TUFT1: variants seen among roughly 807,000 people sequenced by gnomAD.
The protein encoded by TUFT1 is tuftelin 1, also known as tuftelin.
A neutral mutation model predicts 57.8 loss-of-function variants in TUFT1; 43 were observed. That is an observed-to-expected ratio of 0.74 (90% CI 0.58 to 0.96). The LOEUF (loss-of-function observed/expected upper bound fraction) is 0.96, where lower values mean the gene tolerates loss of function less well. Among genes scored for constraint, TUFT1 ranks in the 40% least tolerant of loss-of-function variants. TUFT1 has a pLI of 0.00. For missense variants in TUFT1, 459 were observed against 489.0 expected (o/e 0.94, Z 0.58); for synonymous variants, 166 against 176.7 (o/e 0.94, Z 0.48).
At chr1:151,575,181 C>A (rs1051751774) in intron 9 of TUFT1, among the ~76,000 whole-genome samples, 176 bp downstream of exon 9, 2 of 152,092 alleles carry the variant, frequency 1.3e-5, no homozygotes, top group African/African-American at 4.8e-5. Flanking sequence ...CCAAGAGATA[C>A]CATTTGGGAG....
intron 10 of TUFT1, 89 bp downstream of exon 10, chr1:151,578,915 A>G (rs1666563589): frequency 9.6e-7 from 1 of 1,041,942 alleles, no homozygotes; most frequent in African/African-American, 1.6e-5. Flanking sequence ...ACTTATATTC[A>G]TGCATTTCCC....
At chr1:151,548,687 G>C (rs1425075019) in intron 1 of TUFT1, among the ~76,000 whole-genome samples, 4 of 152,176 alleles carry the variant, frequency 2.6e-5, no homozygotes, top group African/African-American at 9.7e-5. Context: ...AAAGTGGGTG[G>C]GATTGAGGGG....
chr1:151,555,309 A>G (rs989021300), intron 1 of TUFT1, among the ~76,000 whole-genome samples: 1 of 150,006 alleles, frequency 6.7e-6, no homozygotes, highest in African/African-American at 2.5e-5. Flanking sequence ...AGCCTGGGTA[A>G]CAGAATGAGA....
At chr1:151,556,490 C>T (rs1203575878) in intron 1 of TUFT1, among the ~76,000 whole-genome samples, 1 of 151,954 alleles carries the variant, frequency 6.6e-6, no homozygotes, top group African/African-American at 2.4e-5. Flanking sequence ...CTAGCTACAG[C>T]CTCAACCTCC....
rs148537214 is a variant in TUFT1, at chr1:151,550,406, G to A, written c.60+9980G>A. ...GTCACCCAGGCTGGAGTGCAATGGC[G>A]TGATCTTGGCTCACTGCAGCCTCCG... On this transcript the variant is annotated intron_variant, in intron 1 of 12. Coordinates refer to ENST00000368849, the MANE Select transcript of TUFT1 (RefSeq NM_020127.3). Among the ~76,000 whole-genome samples the A allele has an allele frequency of 9.7e-3, 1,479 of 151,968 alleles. 32 individuals are homozygous for A. The highest frequency in any genetic ancestry group is 0.034 in the African/African-American group (1,417 of 41,432).
Position 151,563,930 on chromosome 1 carries a change from C to T in TUFT1, c.264C>T (p.Asp88=). The change falls in exon 4 of 13, where the codon GAC becomes GAT. Residue 88 remains aspartate (D), a synonymous_variant. Transcript: ENST00000368849. ...TGTACTTGAAGGGGAGGTCTGGAGA[C>T]AAGATGATTCACGAGAAGAATATTA... is the stretch of plus-strand genomic sequence containing the variant. ...IKVYLKGRSG[D]KMIHEKNINQ... The T allele has an allele frequency of 1.2e-6, 2 of 1,614,098 alleles. No individual in the cohort carries two copies. The highest frequency in any genetic ancestry group is 2.2e-5 in the South Asian group (2 of 91,076).
In TUFT1 at chr1:151,578,753, T is replaced by C; in HGVS notation, c.851T>C (p.Leu284Ser). 6.3e-7 allele frequency: 1 copy of C among 1,581,916 alleles called. No homozygotes were observed. ...ACCCTGGAAAAGGAAGTGGCCGGGTTGCGGGAGAAGATCCACCACTTGGAT... is the reference window on the plus strand; with the variant it reads ...ACCCTGGAAAAGGAAGTGGCCGGGTCGCGGGAGAAGATCCACCACTTGGAT... ...AATLEKEVAG[L>S]REKIHHLDDM... is the part of the protein sequence containing the mutation. The change falls in exon 10 of 13, where the codon TTG becomes TCG. Residue 284 changes from leucine to serine, a missense_variant. By Grantham distance (145) the Leu-to-Ser change is moderately radical (BLOSUM62 -2). Coordinates refer to ENST00000368849, the MANE Select transcript of TUFT1 (RefSeq NM_020127.3).
intron 10 of TUFT1, among the ~76,000 whole-genome samples, chr1:151,579,113 A>AT (rs1410977154): frequency 1.1e-4 from 16 of 152,234 alleles, no homozygotes; most frequent in African/African-American, 3.9e-4. Flanking sequence ...GTTGAGTCAT[A>AT]ATAAACTCTG....
intron 11 of TUFT1, among the ~76,000 whole-genome samples, chr1:151,580,661 CAAAAAA>C (rs10714430): frequency 1.4e-5 from 1 of 71,906 alleles, no homozygotes; most frequent in Non-Finnish European, 2.6e-5. Context: ...GACCCTATCT[CAAAAAA>C]AAAAAAAAAA....
chr1:151,566,026 C>T, intron 5 of TUFT1, 137 bp from the exon 6 acceptor site: 1 of 24,452 alleles, frequency 4.1e-5, no homozygotes, highest in Non-Finnish European at 5.2e-4. Context: ...CTTTTTCTCT[C>T]TCCCTCCCCC....
At chr1:151,566,136 C>T (rs1666069584) in intron 5 of TUFT1, 27 bp from the exon 6 acceptor site, 1 of 1,536,430 alleles carries the variant, frequency 6.5e-7, no homozygotes, top group African/African-American at 1.4e-5. Context: ...TCTGTTTTAA[C>T]TACCAATTTT....
intron 12 of TUFT1, 78 bp downstream of exon 12, chr1:151,581,120 G>A: frequency 7.5e-7 from 1 of 1,334,086 alleles, no homozygotes; most frequent in Non-Finnish European, 1.1e-6. Flanking sequence ...AACCTTTAGT[G>A]CTAAGGCAAG....
At chr1:151,576,660 T>C (rs934204756) in intron 9 of TUFT1, among the ~76,000 whole-genome samples, 6 of 152,140 alleles carry the variant, frequency 3.9e-5, no homozygotes, top group Admixed American at 3.3e-4. Flanking sequence ...CGAGACGGAG[T>C]CTCACTCTGT....
intron 6 of TUFT1, among the ~76,000 whole-genome samples, chr1:151,567,801 C>A (rs753699046): frequency 2.6e-5 from 4 of 152,196 alleles, no homozygotes; most frequent in Non-Finnish European, 5.9e-5. Context: ...CCACCTTGGC[C>A]TCCCAAAGTG....
At chr1:151,549,503 A>G (rs1166908821) in intron 1 of TUFT1, among the ~76,000 whole-genome samples, 1 of 152,202 alleles carries the variant, frequency 6.6e-6, no homozygotes, top group Non-Finnish European at 1.5e-5. Context: ...TTCCAGAGCT[A>G]CTTGGGAAAG....
intron 1 of TUFT1, among the ~76,000 whole-genome samples, chr1:151,555,651 C>T (rs12034149): frequency 0.55 from 83,474 of 150,800 alleles, 24,332 homozygotes; most frequent in East Asian, 0.89. Context: ...GTGGTGGGTG[C>T]CTATAGTCCC....
intron 9 of TUFT1, 150 bp from the exon 10 acceptor site, chr1:151,578,571 A>G: frequency 1.8e-6 from 1 of 551,560 alleles, no homozygotes; most frequent in South Asian, 1.9e-5. Flanking sequence ...ATTCTAAGGT[A>G]CCCACCACCT....
chr1:151,556,358 C>T (rs114104928), intron 1 of TUFT1, among the ~76,000 whole-genome samples: 2 of 151,352 alleles, frequency 1.3e-5, no homozygotes, highest in Non-Finnish European at 2.9e-5. Flanking sequence ...CCCTTTCCCT[C>T]CCTGCCTTCC....
intron 1 of TUFT1, chr1:151,540,672 T>G: frequency 4.0e-6 from 2 of 495,292 alleles, no homozygotes; most frequent in East Asian, 3.7e-5. Flanking sequence ...CTGCGGCTCC[T>G]GCCTGGGACT....
Sources: allele counts gnomAD v4.1 joint callset (sites outside exome capture counted in the v4.1 genomes callset), GRCh38; gene constraint gnomAD v4.1.1; transcripts MANE v1.5; gene names NCBI Gene and HGNC (gene_info 2026-07-23, HGNC 2026-07-21).